EIF2B5: variants seen among roughly 807,000 people sequenced by gnomAD.
The protein encoded by EIF2B5 is eukaryotic translation initiation factor 2B subunit epsilon.
Under a neutral mutation model 87.3 loss-of-function variants are expected in EIF2B5, and 38 were observed. The ratio of observed to expected loss-of-function variants is 0.44; its 90% CI spans 0.34 to 0.57. EIF2B5 has a LOEUF of 0.57. EIF2B5 is among the 20% of genes least tolerant of loss of function. The pLI is 0.02. For synonymous variants in EIF2B5, 313 were observed against 339.6 expected (o/e 0.92, Z 0.86); for missense variants, 784 against 909.5 (o/e 0.86, Z 1.78).
Position 184,145,052 on chromosome 3 carries a change from G to C in EIF2B5, c.*109G>C, listed in dbSNP as rs1160324391. Reference sequence around the variant, plus strand: ...GATGAGTGACCACCATCCAGGCTGAGACTGAAAGGAGCAGAGGCTGGAACT... The same window carrying C: ...GATGAGTGACCACCATCCAGGCTGACACTGAAAGGAGCAGAGGCTGGAACT... On this transcript the variant is annotated 3_prime_UTR_variant, in exon 16 of 16. Transcript: ENST00000648915. The surrounding 1 kb of genome is among the most constrained non-coding windows in gnomAD (Gnocchi z 4.0). 3 of 992,258 alleles carry C rather than the reference G, an allele frequency of 3.0e-6. No individual in the cohort carries two copies. The African/African-American group carries it at 4.7e-5, about 16-fold the overall frequency. 61.5% of individuals were successfully genotyped at this position (992,258 alleles called of 1,614,324 possible).
At position 184,140,700 on chromosome 3, in the gene EIF2B5, A is replaced by G; in HGVS notation, c.1126A>G (p.Asn376Asp). The G allele has an allele frequency of 6.2e-7, 1 of 1,614,130 alleles. No individual in the cohort carries two copies. Among genetic ancestry groups the G allele is most frequent in the South Asian group, 1.1e-5 (1 of 91,086 alleles). The change falls in exon 7 of 16, where the codon AAC becomes GAC. Residue 376 changes from asparagine to aspartate, a missense_variant. Physicochemically the swap from Asn to Asp is conservative, Grantham distance 23. Coordinates refer to ENST00000648915, the MANE Select transcript of EIF2B5 (RefSeq NM_003907.3). ...TVIGSNCFIT[N>D]SVIGPGCHIG... is the part of the protein sequence containing the mutation. ...CATTGGCAGCAATTGCTTTATCACC[A>G]ACAGTGTCATTGGCCCCGGCTGCCA... is the stretch of plus-strand genomic sequence containing the variant.
chr3:184,143,677 C>T (rs1454368553), intron 13 of EIF2B5, 112 bp downstream of exon 13: 1 of 1,530,198 alleles, frequency 6.5e-7, no homozygotes, highest in Non-Finnish European at 8.9e-7. Flanking sequence ...TTTTCCTTGC[C>T]TCTGGAAGCT....
intron 7 of EIF2B5, 78 bp downstream of exon 7, chr3:184,140,808 G>A: frequency 1.3e-6 from 2 of 1,514,334 alleles, no homozygotes; most frequent in Non-Finnish European, 1.8e-6. Context: ...AAACACAAGG[G>A]ATGGCTACAC....
rs1177577020 is a variant in EIF2B5 at position 184,144,642 on chromosome 3, A to G, written c.2041A>G (p.Ile681Val). The change falls in exon 15 of 16, where the codon ATT (isoleucine) becomes GTT (valine). Residue 681 changes from isoleucine to valine, a missense_variant. By Grantham distance (29) the Ile-to-Val change is conservative (BLOSUM62 3). Transcript: ENST00000648915. Reference sequence around the variant, plus strand: ...GCTGGAGATCCTGGCTGAGGAAACAATTCTGAGCTGGTTCAGCCAAAGAGA... The same window carrying G: ...GCTGGAGATCCTGGCTGAGGAAACAGTTCTGAGCTGGTTCAGCCAAAGAGA... ...YQLEILAEET[I>V]LSWFSQRDTT... The G allele has an allele frequency of 3.7e-6, 6 of 1,614,040 alleles. No individual in the cohort carries two copies. The highest frequency in any genetic ancestry group is 2.2e-5 in the South Asian group (2 of 91,070).
chr3:184,137,367 T>C, intron 2 of EIF2B5: 1 of 552,782 alleles, frequency 1.8e-6, no homozygotes, highest in South Asian at 2.0e-5. Flanking sequence ...TTCAAATTGA[T>C]GTTTAGGGAC....
intron 12 of EIF2B5, 45 bp downstream of exon 12, chr3:184,143,187 G>A: frequency 6.3e-7 from 1 of 1,595,320 alleles, no homozygotes; most frequent in East Asian, 2.2e-5. Context: ...ATCCCGGGAA[G>A]GTAGAGGCTT....
intron 5 of EIF2B5, 80 bp downstream of exon 5, chr3:184,138,326 G>T (rs549187460): frequency 6.5e-6 from 8 of 1,233,372 alleles, no homozygotes; most frequent in Non-Finnish European, 9.6e-6. Context: ...GAAGGCCAGG[G>T]TATATTTCTT....
rs1175855658 is a variant in EIF2B5 at position 184,144,600 on chromosome 3, C to T, written c.1999C>T (p.Leu667=). 3 of 1,613,962 alleles carry T rather than the reference C, an allele frequency of 1.9e-6. No individual in the cohort carries two copies. Among genetic ancestry groups the T allele is most frequent in the African/African-American group, 1.3e-5 (1 of 74,906 alleles). ...EALGISMAKV[L]MAFYQLEILA... The stretch of plus-strand genomic sequence containing the variant: ...CCCCTTTATTGGCCTTTTGCAGGTA[C>T]TGATGGCTTTCTACCAGCTGGAGAT... The change falls in exon 15 of 16, where the codon CTG becomes TTG. Residue 667 remains leucine (L), a synonymous_variant. Coordinates refer to ENST00000648915, the MANE Select transcript of EIF2B5 (RefSeq NM_003907.3).
Position 184,140,670 on chromosome 3 carries a change from A to G in EIF2B5, c.1096A>G (p.Thr366Ala). 1.2e-6 allele frequency: 2 copies of G among 1,614,166 alleles called. No homozygotes were observed. Among genetic ancestry groups the G allele is most frequent in the Non-Finnish European group, 1.7e-6 (2 of 1,180,046 alleles). Reference sequence around the variant, plus strand: ...GGAAAATGTGCTCCTGGGCTCTGGCACTGTCATTGGCAGCAATTGCTTTAT... The same window carrying G: ...GGAAAATGTGCTCCTGGGCTCTGGCGCTGTCATTGGCAGCAATTGCTTTAT... Reference protein sequence around the residue: ...LEENVLLGSGTVIGSNCFITN... With the variant: ...LEENVLLGSGAVIGSNCFITN... Residue 366 changes from threonine to alanine, a missense_variant, in exon 7 of 16, where the codon ACT becomes GCT. Coordinates refer to ENST00000648915, the MANE Select transcript of EIF2B5 (RefSeq NM_003907.3).
intron 7 of EIF2B5, 94 bp from the exon 8 acceptor site, chr3:184,141,831 C>A: frequency 6.6e-7 from 1 of 1,520,858 alleles, no homozygotes; most frequent in East Asian, 2.3e-5. Context: ...TAGGTGGGAG[C>A]TGTGCTGGTG....
At chr3:184,143,668 T>C in intron 13 of EIF2B5, 103 bp downstream of exon 13, 1 of 1,565,054 alleles carries the variant, frequency 6.4e-7, no homozygotes, top group Non-Finnish European at 8.7e-7. Flanking sequence ...CTGGTTCCTT[T>C]TTCCTTGCCT....
intron 2 of EIF2B5, 128 bp downstream of exon 2, chr3:184,136,864 G>T (rs1713385534): frequency 2.9e-6 from 4 of 1,357,698 alleles, no homozygotes; most frequent in Admixed American, 3.4e-5. Flanking sequence ...AAGTTCTAAG[G>T]GTATTTTCTA....
rs766276567 is a variant in EIF2B5, at chr3:184,140,413, T to C, written c.844-5T>C. On this transcript the variant is annotated splice_region_variant and splice_polypyrimidine_tract_variant and intron_variant, in intron 6 of 15. Coordinates refer to ENST00000648915, the MANE Select transcript of EIF2B5 (RefSeq NM_003907.3). ...TTAGGTGACCTCCCTTTCCTTCTCA[T>C]TCAGATCCTAGGGAACCAGATCCAC... 14 of 1,613,948 alleles carry C rather than the reference T, an allele frequency of 8.7e-6. No individual in the cohort carries two copies. Among genetic ancestry groups the C allele is most frequent in the Admixed American group, 5.0e-5 (3 of 59,978 alleles).
chr3:184,143,225 G>T, intron 12 of EIF2B5, 83 bp downstream of exon 12: 3 of 1,528,514 alleles, frequency 2.0e-6, no homozygotes, highest in Middle Eastern at 1.8e-4. Flanking sequence ...CTCCAAATAG[G>T]AACCTATTCC....
In EIF2B5 at chr3:184,142,505, A is replaced by G. The variant is rs758301189; in HGVS notation, c.1448A>G (p.Tyr483Cys). 1 of 1,614,136 alleles carries G rather than the reference A, an allele frequency of 6.2e-7. No homozygotes were observed. Among genetic ancestry groups the G allele is most frequent in the Non-Finnish European group, 8.5e-7 (1 of 1,180,032 alleles). ...TATAGATCATTGCCTTTTCCAGGTT[A>G]CAATCCAGCAGAAGTAGGAGCTGCT... Reference protein sequence around the residue: ...QEKDKVKMKGYNPAEVGAAGK... With the variant: ...QEKDKVKMKGCNPAEVGAAGK... Residue 483 changes from tyrosine to cysteine, a missense_variant, in exon 10 of 16, where the codon TAC (tyrosine) becomes TGC (cysteine). Coordinates refer to ENST00000648915, the MANE Select transcript of EIF2B5 (RefSeq NM_003907.3). The surrounding 1 kb of genome is among the most constrained non-coding windows in gnomAD (Gnocchi z 5.0).
chr3:184,135,473 G>T lies in EIF2B5; in HGVS notation c.88G>T (p.Gly30Trp), dbSNP rs771139224. The change falls in exon 1 of 16, where the codon GGG (glycine) becomes TGG (tryptophan). Residue 30 changes from glycine to tryptophan, a missense_variant. Physicochemically the swap from Gly to Trp is radical, Grantham distance 184. Coordinates refer to ENST00000648915, the MANE Select transcript of EIF2B5 (RefSeq NM_003907.3). ...CGCGGGGCCGGGAGGCAGCGGTGGC[G>T]GGGGAGCCAGAGGGGCGGAGGAGGA... is the stretch of plus-strand genomic sequence containing the variant. Reference protein sequence around the residue: ...SGAGPGGSGGGGARGAEEEPP... With the variant: ...SGAGPGGSGGWGARGAEEEPP... 14 of 1,580,222 alleles carry T rather than the reference G, an allele frequency of 8.9e-6. No homozygotes were observed. The Admixed American group carries it at 9.3e-5, about 11-fold the overall frequency.
chr3:184,141,898 C>A, intron 7 of EIF2B5, 27 bp from the exon 8 acceptor site: 1 of 1,613,688 alleles, frequency 6.2e-7, no homozygotes, highest in Non-Finnish European at 8.5e-7. Flanking sequence ...CCCTGAGTTA[C>A]CCAGAGGTCT....
intron 1 of EIF2B5, among the ~76,000 whole-genome samples, 183 bp from the exon 2 acceptor site, chr3:184,136,429 G>A (rs1050649967): frequency 1.6e-4 from 24 of 152,226 alleles, no homozygotes; most frequent in African/African-American, 5.8e-4. Context: ...AAATTGCAAT[G>A]TCTCAGACTC....
At chr3:184,141,487 T>C (rs1262692734) in intron 7 of EIF2B5, among the ~76,000 whole-genome samples, 1 of 152,130 alleles carries the variant, frequency 6.6e-6, no homozygotes, top group Non-Finnish European at 1.5e-5. Context: ...GAGGATTACC[T>C]GAGCCCAGAG....
Sources: allele counts gnomAD v4.1 joint callset (sites outside exome capture counted in the v4.1 genomes callset), GRCh38; gene constraint gnomAD v4.1.1; non-coding constraint Gnocchi (gnomAD v3.1); transcripts MANE v1.5; gene names NCBI Gene and HGNC (gene_info 2026-07-23, HGNC 2026-07-21).